The following SLC28A3 variants were observed in gnomAD, a reference collection of about 807,000 sequenced individuals.
The protein encoded by SLC28A3 is solute carrier family 28 member 3.
Under a neutral mutation model 84.2 loss-of-function variants are expected in SLC28A3, and 68 were observed. The ratio of observed to expected loss-of-function variants is 0.81; its 90% CI spans 0.66 to 0.99. SLC28A3 has a LOEUF of 0.99. SLC28A3 is among the 50% of genes least tolerant of loss of function. The pLI, the probability that SLC28A3 is intolerant of heterozygous loss-of-function variation, is 0.00. For missense variants in SLC28A3, 712 were observed against 841.5 expected (o/e 0.85, Z 1.90); for synonymous variants, 267 against 303.6 (o/e 0.88, Z 1.25).
chr9:84,328,320 T>C (rs1826647095), intron 1 of SLC28A3, among the ~76,000 whole-genome samples: 1 of 143,296 alleles, frequency 7.0e-6, no homozygotes, highest in Non-Finnish European at 1.5e-5. Flanking sequence ...GATCTGAAAA[T>C]AAAATTAAAA....
At chr9:84,334,076 G>A (rs376914799) in intron 1 of SLC28A3, among the ~76,000 whole-genome samples, 34 of 152,288 alleles carry the variant, frequency 2.2e-4, no homozygotes, top group African/African-American at 7.2e-4. Flanking sequence ...AGGCCAAGGC[G>A]GGTGGATCAC....
At chr9:84,290,399 G>A in intron 10 of SLC28A3, 120 bp from the exon 11 acceptor site, 1 of 1,237,386 alleles carries the variant, frequency 8.1e-7, no homozygotes, top group Non-Finnish European at 1.1e-6. Context: ...GTGAACCTCA[G>A]ACCAGCTCCA....
chr9:84,317,395 T>C (rs1279301665), intron 1 of SLC28A3, among the ~76,000 whole-genome samples: 1 of 152,230 alleles, frequency 6.6e-6, no homozygotes, highest in Non-Finnish European at 1.5e-5. Context: ...TGGTCATTTC[T>C]CAAGCCACAA....
the SLC28A3 span, among the ~76,000 whole-genome samples, chr9:84,355,909 G>A: frequency 2.5e-3 from 379 of 152,142 alleles, 1 homozygote; most frequent in Admixed American, 5.7e-3. Flanking sequence ...GACCTCCCTG[G>A]TCTCAGGTGA....
At chr9:84,342,876 G>T (rs34647570), upstream of SLC28A3, among the ~76,000 whole-genome samples, 8,223 of 152,024 alleles carry the variant, frequency 0.054, 447 homozygotes, top group East Asian at 0.17. Context: ...TAAAACAATT[G>T]CCCCTGGCCA....
chr9:84,350,934 T>G, the SLC28A3 span, among the ~76,000 whole-genome samples: 1 of 152,082 alleles, frequency 6.6e-6, no homozygotes, highest in Non-Finnish European at 1.5e-5. Context: ...TGGTATATCC[T>G]GACCTCAAGT....
Position 84,292,743 on chromosome 9 carries a change from T to A in SLC28A3, c.948A>T (p.Gly316=). The A allele has an allele frequency of 6.4e-7, 1 of 1,562,158 alleles. No homozygotes were observed. The highest frequency in any genetic ancestry group is 1.2e-5 in the South Asian group (1 of 81,998). ...ATCCCGTAGTAACTAGCATGATCCA[T>A]CCAACCTAAAAGGAAGAAAGGGACA... is the stretch of plus-strand genomic sequence containing the variant. ...GLMQWIIRKV[G]WIMLVTTGSS... The change falls in exon 10 of 18, where the codon GGA becomes GGT. Residue 316 remains glycine (G), a synonymous_variant. Coordinates refer to ENST00000376238, the MANE Select transcript of SLC28A3 (RefSeq NM_001199633.2).
At chr9:84,321,945 G>C (rs1300366704) in intron 1 of SLC28A3, among the ~76,000 whole-genome samples, 1 of 152,090 alleles carries the variant, frequency 6.6e-6, no homozygotes, top group Non-Finnish European at 1.5e-5. Context: ...AGCTACTCAG[G>C]AGGCTGAGGC....
chr9:84,323,088 T>A (rs1826429823), intron 1 of SLC28A3, among the ~76,000 whole-genome samples: 3 of 152,198 alleles, frequency 2.0e-5, no homozygotes, highest in Non-Finnish European at 4.4e-5. Context: ...GCAACTTCCA[T>A]AGTCCTCACA....
chr9:84,303,556 G>C (rs761826545), intron 4 of SLC28A3, among the ~76,000 whole-genome samples: 1 of 152,152 alleles, frequency 6.6e-6, no homozygotes, highest in Non-Finnish European at 1.5e-5. Context: ...TTGACCTCAG[G>C]TGATCCACCC....
rs753167663 is a variant in SLC28A3 at position 84,280,050 on chromosome 9, G to A, written c.1753C>T (p.Arg585Cys). ...CTCACTGCCCCCGAGGCGATATCAC[G>A]CTTTCTGGAAGGAGCCATGGATGCT... is the stretch of plus-strand genomic sequence containing the variant. ...GLTSMAPSRKRDIASGAVRAL... is the reference protein window; with the variant it reads ...GLTSMAPSRKCDIASGAVRAL... Residue 585 changes from arginine to cysteine, a missense_variant, in exon 16 of 18, where the codon CGT (arginine) becomes TGT (cysteine). Arg to Cys is a radical substitution (Grantham distance 180). Transcript: ENST00000376238. 50 of 1,613,770 alleles carry A rather than the reference G, an allele frequency of 3.1e-5. No individual in the cohort carries two copies. The highest frequency in any genetic ancestry group is 6.7e-5 in the East Asian group (3 of 44,880).
At chr9:84,359,584 GCATGCATAAA>G in the SLC28A3 span, among the ~76,000 whole-genome samples, 2 of 152,116 alleles carry the variant, frequency 1.3e-5, no homozygotes, top group African/African-American at 4.8e-5. Context: ...TAGGGAGAAA[GCATGCATAAA>G]TATAAATCAA....
At chr9:84,297,073 T>G in intron 8 of SLC28A3, 148 bp downstream of exon 8, 1 of 556,890 alleles carries the variant, frequency 1.8e-6, no homozygotes, top group Non-Finnish European at 3.1e-6. Context: ...ACATTGTCAG[T>G]GGAAAAGAGC....
In SLC28A3 at chr9:84,275,554, AT is replaced by A. The variant is rs1292469769; in HGVS notation, c.*2663del. 6.6e-6 allele frequency: 1 copy of A among 152,240 alleles called. No homozygotes were observed. Among genetic ancestry groups the A allele is most frequent in the Non-Finnish European group, 1.5e-5 (1 of 68,066 alleles). 9.4% of individuals were successfully genotyped at this position (152,240 alleles called of 1,614,324 possible). ...TGCCATCTTTGCCCACTATATGTAC[AT>A]GGGTGAAGGAGAAACTGGGGAAGAC... is the stretch of plus-strand genomic sequence containing the variant. On this transcript the variant is annotated 3_prime_UTR_variant, in exon 18 of 18. Coordinates refer to ENST00000376238, the MANE Select transcript of SLC28A3 (RefSeq NM_001199633.2).
At chr9:84,317,492 G>A (rs1010320498) in intron 1 of SLC28A3, among the ~76,000 whole-genome samples, 2 of 152,148 alleles carry the variant, frequency 1.3e-5, no homozygotes, top group African/African-American at 2.4e-5. Flanking sequence ...CTGTGGACAT[G>A]TCTTGTCATC....
At chr9:84,337,446 G>GCGCGCGCA (rs1429895320) in intron 1 of SLC28A3, among the ~76,000 whole-genome samples, 1 of 151,960 alleles carries the variant, frequency 6.6e-6, no homozygotes, top group African/African-American at 2.4e-5. Flanking sequence ...GTGTGTGCGC[G>GCGCGCGCA]CGCGTGTGTG....
At chr9:84,347,248 C>G in the SLC28A3 span, among the ~76,000 whole-genome samples, 8 of 141,824 alleles carry the variant, frequency 5.6e-5, no homozygotes, top group Non-Finnish European at 7.7e-5. Context: ...GGGAAGAGAA[C>G]TAGTGACTGT....
At chr9:84,316,204 A>G (rs1826165387) in intron 1 of SLC28A3, among the ~76,000 whole-genome samples, 1 of 152,144 alleles carries the variant, frequency 6.6e-6, no homozygotes, top group African/African-American at 2.4e-5. Flanking sequence ...TCTTCCTTTC[A>G]TTCACTTTCT....
chr9:84,297,878 G>C (rs1360766521), intron 7 of SLC28A3, 28 bp downstream of exon 7: 1 of 1,564,244 alleles, frequency 6.4e-7, no homozygotes, highest in African/African-American at 1.4e-5. Flanking sequence ...CACCATAAAA[G>C]CAAAGTGTTC....
Sources: gnomAD v4.1 joint callset for allele counts (sites outside exome capture counted in the v4.1 genomes callset) on GRCh38, gnomAD v4.1.1 for gene constraint, MANE v1.5 for transcripts, NCBI Gene and HGNC (gene_info 2026-07-23, HGNC 2026-07-21) for gene names.